The following NRXN3 variants were observed in gnomAD, a reference collection of about 807,000 sequenced individuals.
The protein encoded by NRXN3 is neurexin III.
A neutral mutation model predicts 137.6 loss-of-function variants in NRXN3; 32 were observed. The observed-to-expected ratio is 0.23, with a 90% CI of 0.18 to 0.31. The LOEUF (loss-of-function observed/expected upper bound fraction) is 0.31. Among genes scored for constraint, NRXN3 ranks in the 10% least tolerant of loss-of-function variants. The probability of loss-of-function intolerance (pLI) is 1.00; values close to 1 mark genes in which losing one functional copy is unlikely to be tolerated. For synonymous variants in NRXN3, 798 were observed against 784.5 expected, an observed-to-expected ratio of 1.02 and a Z score of -0.29; for missense variants, 1,574 against 2,062.5, an observed-to-expected ratio of 0.76 and a Z score of 4.59.
intron 16 of NRXN3, among the ~76,000 whole-genome samples, chr14:79,591,582 G>A (rs1241761698): frequency 4.6e-5 from 7 of 152,146 alleles, no homozygotes; most frequent in Non-Finnish European, 1.0e-4. Flanking sequence ...GTCCAAATTT[G>A]AGCATTGAAA....
At chr14:79,856,514 G>A (rs10144668) in intron 20 of NRXN3, among the ~76,000 whole-genome samples, 1,560 of 152,176 alleles carry the variant, frequency 0.01, 25 homozygotes, top group African/African-American at 0.036. Flanking sequence ...TCCTGTCCCA[G>A]AGTCTCACTG....
At chr14:79,495,474 C>G (rs890471438) in intron 16 of NRXN3, among the ~76,000 whole-genome samples, 2 of 151,934 alleles carry the variant, frequency 1.3e-5, no homozygotes, top group Non-Finnish European at 2.9e-5. Flanking sequence ...ATCCAGAATC[C>G]TAATTACATA....
intron 15 of NRXN3, among the ~76,000 whole-genome samples, chr14:79,138,156 T>C (rs1252516861): frequency 6.6e-6 from 1 of 152,196 alleles, no homozygotes; most frequent in African/African-American, 2.4e-5. Flanking sequence ...TTCATCTTAT[T>C]TTATTTCATT....
chr14:78,981,161 C>G (rs1015486280), intron 14 of NRXN3, among the ~76,000 whole-genome samples: 1 of 152,164 alleles, frequency 6.6e-6, no homozygotes, highest in African/African-American at 2.4e-5. Context: ...ACATTTGATA[C>G]AGATTTCTGT....
chr14:79,862,489 A>AAAC lies in NRXN3; in HGVS notation c.*527_*528insCAA, dbSNP rs1320396695. ...AAAACACCAAAAAACAAAAACAAAC[A>AAAC]AAAAAAAAAACCCACAACCCTTATC... On this transcript the variant is annotated 3_prime_UTR_variant, in exon 21 of 21. Transcript: ENST00000335750. 1.6e-5 allele frequency: 2 copies of AAAC among 128,836 alleles called. No homozygotes were observed. The highest frequency in any genetic ancestry group is 2.4e-4 in the South Asian group (1 of 4,182). The allele number at this position is 128,836 out of a possible 1,614,324, so 8.0% of individuals were successfully genotyped here. A position where few individuals can be genotyped will look rare whatever the true frequency, so the allele number is the denominator to read the frequency against.
chr14:79,761,056 G>A (rs2099036650), intron 19 of NRXN3, among the ~76,000 whole-genome samples: 1 of 151,674 alleles, frequency 6.6e-6, no homozygotes, highest in South Asian at 2.1e-4. Context: ...GGGGACAGAG[G>A]AGTTGAGATG....
chr14:79,668,878 A>G (rs1187733107), intron 17 of NRXN3, among the ~76,000 whole-genome samples: 1 of 152,080 alleles, frequency 6.6e-6, no homozygotes, highest in Non-Finnish European at 1.5e-5. Context: ...TTTTGTTTAA[A>G]TGTTCATCAT....
chr14:79,142,155 A>G (rs1050442964), intron 15 of NRXN3, among the ~76,000 whole-genome samples: 5 of 152,192 alleles, frequency 3.3e-5, no homozygotes, highest in Non-Finnish European at 7.3e-5. Flanking sequence ...CAGGCCAGGC[A>G]CGGTGGCTCA....
chr14:78,266,270 ACTCT>A (rs2071684545), intron 2 of NRXN3, among the ~76,000 whole-genome samples: 1 of 151,410 alleles, frequency 6.6e-6, no homozygotes, highest in South Asian at 2.1e-4. Context: ...CTTTTTAGGG[ACTCT>A]CTCTCCTCTT....
In NRXN3 at chr14:79,547,196, G is replaced by T. The variant is rs150180620; in HGVS notation, c.3444+79794G>T. Among the ~76,000 whole-genome samples, 376 of 152,178 alleles carry T rather than the reference G, an allele frequency of 2.5e-3. 1 individual carries two copies. Among genetic ancestry groups the T allele is most frequent in the African/African-American group, 8.6e-3 (356 of 41,516 alleles). ...AAATAACCTTTAATTTCTGAAGATC[G>T]GGTGCTCTTATAAAACATCAGTACT... On this transcript the variant is annotated intron_variant, in intron 16 of 20. Transcript: ENST00000335750.
At chr14:78,880,601 A>G (rs1385141787) in intron 10 of NRXN3, among the ~76,000 whole-genome samples, 1 of 152,140 alleles carries the variant, frequency 6.6e-6, no homozygotes, top group African/African-American at 2.4e-5. Flanking sequence ...GGCTTCCTAG[A>G]GAGCAGAGTA....
intron 4 of NRXN3, among the ~76,000 whole-genome samples, chr14:78,490,742 A>T (rs2095651276): frequency 6.6e-6 from 1 of 152,156 alleles, no homozygotes; most frequent in Admixed American, 6.5e-5. Context: ...ATTAACATTT[A>T]TTACATTTAT....
intron 15 of NRXN3, among the ~76,000 whole-genome samples, chr14:79,015,812 G>A (rs576183473): frequency 2.0e-5 from 3 of 152,172 alleles, no homozygotes; most frequent in Non-Finnish European, 4.4e-5. Context: ...ATACCCTACA[G>A]CAGGGAGATG....
At chr14:78,662,566 G>C (rs2097850145) in intron 6 of NRXN3, among the ~76,000 whole-genome samples, 1 of 152,122 alleles carries the variant, frequency 6.6e-6, no homozygotes, top group South Asian at 2.1e-4. Context: ...CCATTTTGCT[G>C]AGGTTATCGA....
At chr14:78,737,028 T>G (rs571138446) in intron 8 of NRXN3, among the ~76,000 whole-genome samples, 1 of 152,354 alleles carries the variant, frequency 6.6e-6, no homozygotes, top group East Asian at 1.9e-4. Flanking sequence ...GTATATCCTC[T>G]CATTCTTCCC....
chr14:79,123,793 T>C (rs1483358841), intron 15 of NRXN3, among the ~76,000 whole-genome samples: 1 of 152,198 alleles, frequency 6.6e-6, no homozygotes, highest in Non-Finnish European at 1.5e-5. Flanking sequence ...ACTGTATACA[T>C]GAATAAGCAG....
chr14:78,821,330 T>C lies in NRXN3; in HGVS notation c.2275+10986T>C, dbSNP rs114900777. On this transcript the variant is annotated intron_variant, in intron 10 of 20. Coordinates refer to ENST00000335750, the MANE Select transcript of NRXN3 (RefSeq NM_001330195.2). ...TCCTCTGTTCCAGTATAATAAAAAG[T>C]AATATTTGAAACACAAAAGCGAGAG... is the stretch of plus-strand genomic sequence containing the variant. 3.2e-3 allele frequency among the ~76,000 whole-genome samples: 483 copies of C among 152,092 alleles called. 13 individuals carry two copies. In the South Asian group the frequency reaches 0.05, roughly 16 times the overall value.
chr14:78,845,349 A>T (rs1319792447), intron 10 of NRXN3, among the ~76,000 whole-genome samples: 3 of 152,100 alleles, frequency 2.0e-5, no homozygotes, highest in Non-Finnish European at 4.4e-5. Flanking sequence ...TGTTGCCAAC[A>T]CTCATAGATA....
intron 4 of NRXN3, among the ~76,000 whole-genome samples, chr14:78,548,846 A>G (rs928453676): frequency 2.0e-5 from 3 of 152,092 alleles, no homozygotes; most frequent in African/African-American, 7.2e-5. Flanking sequence ...CTCCCAAACC[A>G]CAGGGGCTCT....
Sources: gnomAD v4.1 joint callset for allele counts (sites outside exome capture counted in the v4.1 genomes callset) on GRCh38, gnomAD v4.1.1 for gene constraint, MANE v1.5 for transcripts, NCBI Gene and HGNC (gene_info 2026-07-23, HGNC 2026-07-21) for gene names.